ZNF138: variants seen among roughly 807,000 people sequenced by gnomAD.
ZNF138 encodes the protein zinc finger protein 138, also known as zinc finger protein 138 (clone pHZ-32).
Under a neutral mutation model 33.0 loss-of-function variants are expected in ZNF138, and 33 were observed. That is an observed-to-expected ratio of 1.00 (90% confidence interval 0.76 to 1.34). The LOEUF (loss-of-function observed/expected upper bound fraction) is 1.34. Ranked by LOEUF, ZNF138 falls within the 40% of genes most tolerant of loss-of-function variation. The pLI is 0.00. For synonymous variants in ZNF138, 139 were observed against 120.4 expected (o/e 1.15, Z -1.01); for missense variants, 360 against 370.8 (o/e 0.97, Z 0.24).
chr7:64,818,055 C>T (rs536942901), intron 3 of ZNF138, among the ~76,000 whole-genome samples: 1 of 126,764 alleles, frequency 7.9e-6, no homozygotes, highest in African/African-American at 3.0e-5. Flanking sequence ...TGCAGCAGTA[C>T]AATCTTGGCT....
the ZNF138 span, among the ~76,000 whole-genome samples, chr7:64,849,607 G>T: frequency 6.6e-6 from 1 of 152,038 alleles, no homozygotes. Flanking sequence ...GCTTGGGCGG[G>T]GTTTGCTGCA....
intron 1 of ZNF138, among the ~76,000 whole-genome samples, chr7:64,806,454 C>T (rs544211691): frequency 1.3e-5 from 2 of 152,254 alleles, no homozygotes; most frequent in South Asian, 4.1e-4. Context: ...GAGAATCTCC[C>T]CTTTCCCTTT....
At chr7:64,842,888 T>C in the ZNF138 span, among the ~76,000 whole-genome samples, 5 of 152,244 alleles carry the variant, frequency 3.3e-5, no homozygotes, top group African/African-American at 1.2e-4. Context: ...ATTATTTTGA[T>C]CTATAGTCAC....
chr7:64,815,884 A>G (rs987762988), intron 3 of ZNF138, among the ~76,000 whole-genome samples: 1 of 152,136 alleles, frequency 6.6e-6, no homozygotes, highest in African/African-American at 2.4e-5. Flanking sequence ...GTGAGAGCCA[A>G]CGTCCTTTTC....
At chr7:64,801,937 G>A (rs889005208) in intron 1 of ZNF138, among the ~76,000 whole-genome samples, 10 of 152,136 alleles carry the variant, frequency 6.6e-5, no homozygotes, top group East Asian at 1.9e-4. Flanking sequence ...CTCTGTTGAC[G>A]AAGAGTCAAA....
At chr7:64,848,180 T>C in the ZNF138 span, among the ~76,000 whole-genome samples, 5 of 151,504 alleles carry the variant, frequency 3.3e-5, no homozygotes, top group South Asian at 1.0e-3. Context: ...AATGTCCCAA[T>C]CTTTTCTAGC....
chr7:64,794,438 A>T lies in ZNF138; in HGVS notation c.-131A>T. On this transcript the variant is annotated 5_prime_UTR_variant, in exon 1 of 4. Coordinates refer to ENST00000307355, the MANE Select transcript of ZNF138 (RefSeq NM_001271639.2). ...GGCGGCGGGGTCTTTGTCTCGCTGCAGCGGGTGCTGCAGGTCTGGCCTTCA... is the reference window on the plus strand; with the variant it reads ...GGCGGCGGGGTCTTTGTCTCGCTGCTGCGGGTGCTGCAGGTCTGGCCTTCA... The T allele has an allele frequency of 7.3e-7, 1 of 1,373,302 alleles. No individual in the cohort carries two copies. Among genetic ancestry groups the T allele is most frequent in the Non-Finnish European group, 1.0e-6 (1 of 977,768 alleles). The allele number at this position is 1,373,302 out of a possible 1,614,324, so 85.1% of individuals were successfully genotyped here.
At chr7:64,803,874 G>T (rs114711410) in intron 1 of ZNF138, among the ~76,000 whole-genome samples, 2,433 of 152,162 alleles carry the variant, frequency 0.016, 64 homozygotes, top group African/African-American at 0.055. Flanking sequence ...TTATCCAATA[G>T]AGATAATTAT....
At chr7:64,843,973 G>A in the ZNF138 span, among the ~76,000 whole-genome samples, 12 of 152,060 alleles carry the variant, frequency 7.9e-5, no homozygotes, top group African/African-American at 2.2e-4. Flanking sequence ...ACTGGTGTGC[G>A]CCACCATGCC....
intron 1 of ZNF138, among the ~76,000 whole-genome samples, chr7:64,797,857 C>T (rs1448643986): frequency 2.0e-5 from 3 of 152,110 alleles, no homozygotes; most frequent in Non-Finnish European, 4.4e-5. Context: ...TAAAGGCTTT[C>T]TTAGGGAGGA....
At position 64,826,719 on chromosome 7, in the gene ZNF138, G is replaced by A. The variant is rs1160700467; in HGVS notation, c.209-4732G>A. 4.6e-5 allele frequency among the ~76,000 whole-genome samples: 7 copies of A among 151,986 alleles called. No homozygotes were observed. The South Asian group carries it at 1.0e-3, about 23-fold the overall frequency. On this transcript the variant is annotated intron_variant, in intron 3 of 3. Transcript: ENST00000307355. ...GGCTGGAGTGCAATGGTGTTATCTC[G>A]GTTCACTGTAACTTCTGCCTTCCAG...
intron 1 of ZNF138, among the ~76,000 whole-genome samples, chr7:64,803,258 G>GTTTTTTTTTTTT (rs60101981): frequency 1.8e-5 from 2 of 113,062 alleles, no homozygotes; most frequent in African/African-American, 3.3e-5. Flanking sequence ...TTTGGCAAAG[G>GTTTTTTTTTTTT]TTTTTTTTTT....
At chr7:64,796,032 C>T (rs1046369914) in intron 1 of ZNF138, among the ~76,000 whole-genome samples, 4 of 152,180 alleles carry the variant, frequency 2.6e-5, no homozygotes, top group African/African-American at 9.7e-5. Flanking sequence ...AAAGCAAACC[C>T]TTTGAGAAGT....
intron 1 of ZNF138, among the ~76,000 whole-genome samples, chr7:64,809,827 G>A (rs1178234252): frequency 4.1e-5 from 5 of 122,414 alleles, no homozygotes; most frequent in Non-Finnish European, 6.9e-5. Flanking sequence ...ACGGGGCGGC[G>A]GGGCAGAGGC....
chr7:64,811,858 C>G (rs969392563), intron 1 of ZNF138, among the ~76,000 whole-genome samples: 15 of 152,334 alleles, frequency 9.8e-5, no homozygotes, highest in African/African-American at 3.6e-4. Flanking sequence ...AACTCCCATT[C>G]ATGAACCCTT....
rs749659918 is a variant in ZNF138 at position 64,831,890 on chromosome 7, T to A, written c.648T>A (p.Ile216=). ...WSTNLSKPKK[I]HTGEKPYKCE... ...CAAACCTTTCTAAACCTAAGAAAAT[T>A]CATACTGGAGAAAAACCCTACAAAT... The change falls in exon 4 of 4, where the codon ATT becomes ATA. Residue 216 remains isoleucine (I), a synonymous_variant. Coordinates refer to ENST00000307355, the MANE Select transcript of ZNF138 (RefSeq NM_001271639.2). 14 of 1,613,758 alleles carry A rather than the reference T, an allele frequency of 8.7e-6. No individual in the cohort carries two copies. The Admixed American group carries it at 2.3e-4, about 27-fold the overall frequency.
the ZNF138 span, among the ~76,000 whole-genome samples, chr7:64,847,397 G>C: frequency 2.0e-4 from 28 of 141,178 alleles, no homozygotes; most frequent in African/African-American, 7.1e-4. Flanking sequence ...AAGCCCGTTT[G>C]TTCTAGGGTA....
chr7:64,809,323 C>CA (rs1787896369), intron 1 of ZNF138, among the ~76,000 whole-genome samples: 1 of 1,780 alleles, frequency 5.6e-4, no homozygotes, highest in African/African-American at 6.3e-4. Flanking sequence ...TGACCCCCCC[C>CA]CACCTCCCTC....
chr7:64,832,705 C>G lies in ZNF138; in HGVS notation c.*503C>G. 2 of 432,322 alleles carry G rather than the reference C, an allele frequency of 4.6e-6. No individual in the cohort carries two copies. The highest frequency in any genetic ancestry group is 3.7e-5 in the South Asian group (2 of 53,748). The allele number at this position is 432,322 out of a possible 1,614,324, so 26.8% of individuals were successfully genotyped here. A position where few individuals can be genotyped will look rare whatever the true frequency, so the allele number is the denominator to read the frequency against. The stretch of plus-strand genomic sequence containing the variant: ...TGTGGCAAGGTCTTTAAGAAGTCCT[C>G]AACTCTTACTGCACATAAGATCATT... On this transcript the variant is annotated 3_prime_UTR_variant, in exon 4 of 4. Transcript: ENST00000307355.
Sources: allele counts gnomAD v4.1 joint callset (sites outside exome capture counted in the v4.1 genomes callset), GRCh38; gene constraint gnomAD v4.1.1; transcripts MANE v1.5; gene names NCBI Gene and HGNC (gene_info 2026-07-23, HGNC 2026-07-21).